ITGB3BP: variants seen among roughly 807,000 people sequenced by gnomAD.
ITGB3BP encodes centromere protein R.
A neutral mutation model predicts 29.1 loss-of-function variants in ITGB3BP; 27 were observed. That is an observed-to-expected ratio of 0.93 (90% CI 0.68 to 1.28). The LOEUF is 1.28. ITGB3BP is among the 50% of genes most tolerant of loss of function. ITGB3BP has a pLI of 0.00. For missense variants in ITGB3BP, 192 were observed against 200.2 expected, an observed-to-expected ratio of 0.96 and a Z score of 0.25; for synonymous variants, 61 against 61.4, an observed-to-expected ratio of 0.99 and a Z score of 0.03.
chr1:63,472,347 T>C (rs1242556412), intron 4 of ITGB3BP, among the ~76,000 whole-genome samples: 1 of 148,180 alleles, frequency 6.7e-6, no homozygotes, highest in Non-Finnish European at 1.5e-5. Flanking sequence ...GTATCTCTCC[T>C]AGCTATGATA....
At chr1:63,505,549 G>C (rs1646055805) in intron 2 of ITGB3BP, among the ~76,000 whole-genome samples, 2 of 152,028 alleles carry the variant, frequency 1.3e-5, no homozygotes, top group African/African-American at 4.8e-5. Flanking sequence ...CTTGCCTTCT[G>C]CTAGCTTTTG....
At chr1:63,448,645 T>G (rs1485615522) in intron 7 of ITGB3BP, among the ~76,000 whole-genome samples, 1 of 151,838 alleles carries the variant, frequency 6.6e-6, no homozygotes, top group Non-Finnish European at 1.5e-5. Context: ...ACTCTGAGAG[T>G]AAAAAATGGG....
intron 1 of ITGB3BP, among the ~76,000 whole-genome samples, chr1:63,522,600 G>A (rs550318996): frequency 2.6e-5 from 4 of 152,170 alleles, no homozygotes; most frequent in South Asian, 4.2e-4. Context: ...ATTGGTCATA[G>A]ATGGGAATTT....
chr1:63,501,724 T>A (rs1301247578), intron 2 of ITGB3BP, among the ~76,000 whole-genome samples: 2 of 152,034 alleles, frequency 1.3e-5, no homozygotes, highest in East Asian at 3.9e-4. Flanking sequence ...TAGCTGGGCA[T>A]AGAGGCCTGT....
At chr1:63,489,371 A>T (rs1056509354) in intron 3 of ITGB3BP, among the ~76,000 whole-genome samples, 1 of 151,138 alleles carries the variant, frequency 6.6e-6, no homozygotes, top group African/African-American at 2.4e-5. Flanking sequence ...TAAAATTTTA[A>T]TTATAAAACT....
chr1:63,485,375 T>A (rs1294489640), intron 3 of ITGB3BP, among the ~76,000 whole-genome samples: 4 of 152,100 alleles, frequency 2.6e-5, no homozygotes, highest in Middle Eastern at 3.4e-3. Context: ...AACTCTTATC[T>A]GTTGCCTCCT....
In ITGB3BP at chr1:63,478,770, T is replaced by C. The variant is rs557919343; in HGVS notation, c.248A>G (p.Asn83Ser). 1 of 1,440,528 alleles carries C rather than the reference T, an allele frequency of 6.9e-7. No individual in the cohort carries two copies. Among genetic ancestry groups the C allele is most frequent in the Non-Finnish European group, 9.4e-7 (1 of 1,059,972 alleles). 89.2% of individuals were successfully genotyped at this position (1,440,528 alleles called of 1,614,324 possible). ...TESKESTTKDNDEFMMLLSKV... is the reference protein window; with the variant it reads ...TESKESTTKDSDEFMMLLSKV... Reference sequence around the variant, plus strand: ...TCAAAAATAACAAACTTACTCATCATTGTCTTTTGTTGTAGATTCTTTGCT... The same window carrying C: ...TCAAAAATAACAAACTTACTCATCACTGTCTTTTGTTGTAGATTCTTTGCT... The change falls in exon 4 of 9, where the codon AAT (asparagine) becomes AGT (serine). Residue 83 changes from asparagine to serine, a missense_variant. Asn to Ser is a conservative substitution (Grantham distance 46). Coordinates refer to ENST00000271002, the MANE Select transcript of ITGB3BP (RefSeq NM_014288.5).
chr1:63,460,769 C>G (rs138869251), intron 4 of ITGB3BP, among the ~76,000 whole-genome samples: 61 of 152,214 alleles, frequency 4.0e-4, no homozygotes, highest in African/African-American at 1.4e-3. Flanking sequence ...TTCTCTATAT[C>G]CTTGCCAATA....
At chr1:63,457,457 T>C (rs1570138871) in intron 4 of ITGB3BP, 1 of 152,176 alleles carries the variant, frequency 6.6e-6, no homozygotes, top group East Asian at 1.9e-4. Context: ...TGCCCTAACA[T>C]AGCATTATGG....
In ITGB3BP at chr1:63,492,189, CTGTGTG is replaced by C. The variant is rs10610086; in HGVS notation, c.49-1977_49-1972del. On this transcript the variant is annotated intron_variant, in intron 2 of 8. Coordinates refer to ENST00000271002, the MANE Select transcript of ITGB3BP (RefSeq NM_014288.5). ...ATAACTCTGTGAGTGTGCATGTGCT[CTGTGTG>C]TGTGTGTGTGTGTGTGTGTGTGTGT... Among the ~76,000 whole-genome samples, 485 of 148,876 alleles carry C rather than the reference CTGTGTG, an allele frequency of 3.3e-3. 2 individuals carry two copies. Among genetic ancestry groups the C allele is most frequent in the South Asian group, 0.012 (54 of 4,670 alleles).
chr1:63,455,367 A>C (rs1644918056), intron 4 of ITGB3BP, among the ~76,000 whole-genome samples: 1 of 152,188 alleles, frequency 6.6e-6, no homozygotes, highest in African/African-American at 2.4e-5. Flanking sequence ...CAATCTTCTG[A>C]ACATATCTCC....
rs1646146192 is a variant in ITGB3BP, at chr1:63,509,216, C to A, written c.6-646G>T. On this transcript the variant is annotated intron_variant, in intron 1 of 8. Transcript: ENST00000271002. ...AAAATCTGTTCTGCTAAACTGGATG[C>A]CCAGCTGTTGGTGACAATGCTTAGA... is the stretch of plus-strand genomic sequence containing the variant. Among the ~76,000 whole-genome samples the A allele has an allele frequency of 2.0e-5, 3 of 152,164 alleles. No individual in the cohort carries two copies. In the South Asian group the frequency reaches 6.2e-4, roughly 32 times the overall value.
chr1:63,454,554 T>C lies in ITGB3BP; in HGVS notation c.334-81A>G. On this transcript the variant is annotated intron_variant, in intron 5 of 8. Coordinates refer to ENST00000271002, the MANE Select transcript of ITGB3BP (RefSeq NM_014288.5). The surrounding 1 kb of genome is among the most constrained non-coding windows in gnomAD (Gnocchi z 4.1). ...CATGTCTAGTGAAAATACAGTATAT[T>C]GTTTCCTTCATTTGAAAAACTTAAA... 1.5e-6 allele frequency: 1 copy of C among 657,014 alleles called. No individual in the cohort carries two copies. The highest frequency in any genetic ancestry group is 2.8e-5 in the Admixed American group (1 of 36,084). 40.7% of individuals were successfully genotyped at this position (657,014 alleles called of 1,614,324 possible).
At chr1:63,522,996 TTGC>T in intron 1 of ITGB3BP, 130 bp downstream of exon 1, 1 of 1,004,738 alleles carries the variant, frequency 1.0e-6, no homozygotes, top group East Asian at 2.4e-5. Context: ...GCGAAGGGAA[TTGC>T]CTGTGGACAG....
At chr1:63,523,489 G>A, upstream of ITGB3BP, 1 of 365,542 alleles carries the variant, frequency 2.7e-6, no homozygotes. Context: ...GTTTGGAGAA[G>A]GGCTCTGCAT....
At chr1:63,512,904 C>T (rs918013845) in intron 1 of ITGB3BP, among the ~76,000 whole-genome samples, 1 of 152,114 alleles carries the variant, frequency 6.6e-6, no homozygotes, top group Admixed American at 6.5e-5. Flanking sequence ...TAAATGTAAA[C>T]CTTTTGTTTT....
At chr1:63,512,513 A>T (rs1646222302) in intron 1 of ITGB3BP, among the ~76,000 whole-genome samples, 2 of 152,164 alleles carry the variant, frequency 1.3e-5, no homozygotes, top group Admixed American at 1.3e-4. Flanking sequence ...TTAAAACATT[A>T]GTTTAAATAC....
intron 3 of ITGB3BP, among the ~76,000 whole-genome samples, chr1:63,481,682 C>G (rs1393118482): frequency 1.3e-5 from 2 of 152,210 alleles, no homozygotes; most frequent in Non-Finnish European, 2.9e-5. Flanking sequence ...CTTTCCCTAA[C>G]AAATGAAGAT....
At chr1:63,525,601 C>T, upstream of ITGB3BP, 2 of 1,570,966 alleles carry the variant, frequency 1.3e-6, no homozygotes, top group Non-Finnish European at 1.7e-6. Context: ...AGCGATGCAA[C>T]TTTCTCCAGT....
Sources: allele counts gnomAD v4.1 joint callset (sites outside exome capture counted in the v4.1 genomes callset), GRCh38; gene constraint gnomAD v4.1.1; non-coding constraint Gnocchi (gnomAD v3.1); transcripts MANE v1.5; gene names NCBI Gene and HGNC (gene_info 2026-07-23, HGNC 2026-07-21).